Variants in PRKG1 observed in about 807,000 individuals in gnomAD.
PRKG1 encodes the protein protein kinase cGMP-dependent 1.
Under a neutral mutation model 88.1 loss-of-function variants are expected in PRKG1, and 35 were observed. The observed-to-expected ratio is 0.40, with a 90% CI of 0.30 to 0.53. PRKG1 has a LOEUF of 0.53. Among genes scored for constraint, PRKG1 ranks in the 20% least tolerant of loss-of-function variants. The pLI, the probability that PRKG1 is intolerant of heterozygous loss-of-function variation, is 0.59. For missense variants in PRKG1, 540 were observed against 839.8 expected (o/e 0.64, Z 4.41); for synonymous variants, 303 against 292.5 (o/e 1.04, Z -0.37).
intron 4 of PRKG1, among the ~76,000 whole-genome samples, chr10:51,810,205 C>T (rs1839419524): frequency 6.6e-6 from 1 of 152,178 alleles, no homozygotes; most frequent in Non-Finnish European, 1.5e-5. Context: ...TTGTAAAGTT[C>T]ACAGACTTTG....
intron 4 of PRKG1, among the ~76,000 whole-genome samples, chr10:51,855,510 C>T (rs1000668283): frequency 6.6e-6 from 1 of 152,190 alleles, no homozygotes; most frequent in African/African-American, 2.4e-5. Context: ...GTGAGGAATG[C>T]AATTACTTCT....
chr10:51,235,997 G>A (rs1017219087), intron 2 of PRKG1, among the ~76,000 whole-genome samples: 2 of 152,136 alleles, frequency 1.3e-5, no homozygotes, highest in African/African-American at 2.4e-5. Context: ...TGCTGGTCCC[G>A]CCCTTAGAGT....
At chr10:51,633,887 T>C (rs1283780089) in intron 3 of PRKG1, among the ~76,000 whole-genome samples, 7 of 152,182 alleles carry the variant, frequency 4.6e-5, no homozygotes, top group Non-Finnish European at 8.8e-5. Flanking sequence ...CCCTCCACTG[T>C]AGATTTTCTA....
chr10:51,765,328 C>G (rs1288538897), intron 3 of PRKG1, among the ~76,000 whole-genome samples: 2 of 152,190 alleles, frequency 1.3e-5, no homozygotes, highest in African/African-American at 4.8e-5. Flanking sequence ...ATACAAAACT[C>G]CCTTGATTCA....
At chr10:52,246,157 G>A (rs1339364131) in intron 9 of PRKG1, among the ~76,000 whole-genome samples, 1 of 152,098 alleles carries the variant, frequency 6.6e-6, no homozygotes, top group Non-Finnish European at 1.5e-5. Flanking sequence ...ATCTGACTCT[G>A]TTAATTTAAA....
At chr10:51,030,702 C>G (rs1843271269) in intron 1 of PRKG1, among the ~76,000 whole-genome samples, 1 of 152,002 alleles carries the variant, frequency 6.6e-6, no homozygotes, top group Non-Finnish European at 1.5e-5. Context: ...AGTTCTTGCT[C>G]TATTAGGTCA....
chr10:51,907,642 G>T (rs1589410338), intron 5 of PRKG1, 72 bp downstream of exon 5: 1 of 1,336,730 alleles, frequency 7.5e-7, no homozygotes, highest in African/African-American at 1.5e-5. Flanking sequence ...TCACAGCTGT[G>T]TGATGAGGAA....
intron 3 of PRKG1, among the ~76,000 whole-genome samples, chr10:51,744,935 A>T (rs1180465110): frequency 6.6e-6 from 1 of 152,170 alleles, no homozygotes; most frequent in Non-Finnish European, 1.5e-5. Context: ...GAGATTTTGA[A>T]ATTTTATTTT....
intron 7 of PRKG1, among the ~76,000 whole-genome samples, chr10:52,127,020 G>A (rs1847946103): frequency 6.6e-6 from 1 of 152,106 alleles, no homozygotes; most frequent in South Asian, 2.1e-4. Flanking sequence ...TTAGAAGGGG[G>A]AGAGAGTAGA....
At chr10:51,804,833 C>G (rs996814068) in intron 4 of PRKG1, 143 bp downstream of exon 4, 1 of 587,944 alleles carries the variant, frequency 1.7e-6, no homozygotes, top group East Asian at 3.1e-5. Flanking sequence ...TGTAAGACTT[C>G]GAACATGCTT....
intron 2 of PRKG1, among the ~76,000 whole-genome samples, chr10:51,376,367 ATT>A (rs1490652954): frequency 1.3e-5 from 2 of 152,184 alleles, no homozygotes; most frequent in Non-Finnish European, 2.9e-5. Flanking sequence ...AGAGAAATAT[ATT>A]GTTACCAATA....
At chr10:51,652,046 A>G (rs1418972372) in intron 3 of PRKG1, among the ~76,000 whole-genome samples, 1 of 152,156 alleles carries the variant, frequency 6.6e-6, no homozygotes, top group African/African-American at 2.4e-5. Context: ...ATTAGCTTTA[A>G]ATTTGTCTAT....
intron 5 of PRKG1, among the ~76,000 whole-genome samples, chr10:52,040,801 G>A (rs1006217834): frequency 1.5e-5 from 2 of 137,738 alleles, no homozygotes; most frequent in Non-Finnish European, 3.2e-5. Context: ...TAAGTATGAT[G>A]TTAGCTGTGA....
At chr10:52,163,209 T>A in intron 9 of PRKG1, among the ~76,000 whole-genome samples, 1 of 148,324 alleles carries the variant, frequency 6.7e-6, no homozygotes, top group East Asian at 1.9e-4. Context: ...TTATGTCAGC[T>A]TATCTTTTCG....
chr10:51,863,878 T>A (rs1307486281), intron 4 of PRKG1, among the ~76,000 whole-genome samples: 1 of 152,216 alleles, frequency 6.6e-6, no homozygotes, highest in East Asian at 1.9e-4. Flanking sequence ...TCAGCTCTGT[T>A]TGCATCTCTG....
intron 1 of PRKG1, among the ~76,000 whole-genome samples, chr10:51,123,985 G>A (rs1213163450): frequency 6.6e-6 from 1 of 152,078 alleles, no homozygotes; most frequent in Admixed American, 6.6e-5. Flanking sequence ...TGGTGCTACA[G>A]CATTCATGAG....
chr10:51,767,552 CTT>C (rs746872048), intron 3 of PRKG1, among the ~76,000 whole-genome samples: 5 of 152,122 alleles, frequency 3.3e-5, no homozygotes, highest in Non-Finnish European at 7.3e-5. Context: ...AATCAGAAGA[CTT>C]GGGTTTCAGG....
At chr10:52,184,448 T>G (rs1839132293) in intron 9 of PRKG1, among the ~76,000 whole-genome samples, 1 of 152,212 alleles carries the variant, frequency 6.6e-6, no homozygotes, top group Non-Finnish European at 1.5e-5. Flanking sequence ...ATTATAATTT[T>G]AATAATTTCA....
At chr10:51,578,438 A>C (rs1050385838) in intron 3 of PRKG1, among the ~76,000 whole-genome samples, 2 of 152,110 alleles carry the variant, frequency 1.3e-5, no homozygotes, top group African/African-American at 2.4e-5. Flanking sequence ...ATCTTTTGAC[A>C]GTCCAAAATT....
Sources: allele counts gnomAD v4.1 joint callset (sites outside exome capture counted in the v4.1 genomes callset), GRCh38; gene constraint gnomAD v4.1.1; transcripts MANE v1.5; gene names NCBI Gene and HGNC (gene_info 2026-07-23, HGNC 2026-07-21).